Variants in SND1 observed in about 807,000 individuals in gnomAD.
SND1 encodes the protein staphylococcal nuclease domain-containing protein 1.
In SND1, 38 loss-of-function variants were observed where a neutral mutation model predicts 121.7. The ratio of observed to expected loss-of-function variants is 0.31; its 90% CI spans 0.24 to 0.41. The LOEUF (loss-of-function observed/expected upper bound fraction) is 0.41. Ranked by LOEUF, SND1 falls within the 10% of genes least tolerant of loss-of-function variation. SND1 has a pLI of 1.00. For missense variants in SND1, 868 were observed against 1,184.6 expected, an observed-to-expected ratio of 0.73 and a Z score of 3.92; for synonymous variants, 401 against 447.4, an observed-to-expected ratio of 0.90 and a Z score of 1.31.
At chr7:127,861,454 G>C (rs184534278) in intron 12 of SND1, among the ~76,000 whole-genome samples, 1 of 152,090 alleles carries the variant, frequency 6.6e-6, no homozygotes, top group East Asian at 1.9e-4. Flanking sequence ...CCGTCTACCT[G>C]GTGTCATTCA....
rs1360891878 is a variant in SND1 at position 127,786,712 on chromosome 7, C to T, written c.1153-20772C>T. Among the ~76,000 whole-genome samples the T allele has an allele frequency of 5.3e-5, 8 of 152,230 alleles. No individual in the cohort carries two copies. In the South Asian group the frequency reaches 8.3e-4, roughly 16 times the overall value. On this transcript the variant is annotated intron_variant, in intron 10 of 23. Transcript: ENST00000354725. ...AGGCTGGAGTGCAGTGGCGCGATCT[C>T]GACTCACTGCTAGCTCCGCCTCCCG...
rs2116343027 is a variant in SND1 at position 127,703,311 on chromosome 7, C to T, written c.828C>T (p.Thr276=). ...ESCHNQNILG[T]ILHPNGNITE... is the part of the protein sequence containing the mutation. ...GCCACAACCAGAACATTCTGGGTAC[C>T]ATCCTTCATCCAGTGAGTGTGTCTG... The change falls in exon 7 of 24, where the codon ACC becomes ACT. Residue 276 remains threonine (T), a synonymous_variant. Transcript: ENST00000354725. 6.2e-7 allele frequency: 1 copy of T among 1,614,116 alleles called. No homozygotes were observed.
chr7:127,671,202 G>A (rs559081740), intron 1 of SND1, among the ~76,000 whole-genome samples: 1 of 152,216 alleles, frequency 6.6e-6, no homozygotes, highest in Admixed American at 6.5e-5. Context: ...AGTATGTTTA[G>A]CATCTTGAAA....
intron 1 of SND1, among the ~76,000 whole-genome samples, chr7:127,672,994 T>C (rs1273935652): frequency 1.3e-5 from 2 of 152,036 alleles, no homozygotes; most frequent in African/African-American, 2.4e-5. Flanking sequence ...AGATGGTGTC[T>C]GTCAGGTTTC....
At chr7:127,915,215 T>C (rs1476935856) in intron 14 of SND1, among the ~76,000 whole-genome samples, 1 of 152,128 alleles carries the variant, frequency 6.6e-6, no homozygotes, top group Non-Finnish European at 1.5e-5. Context: ...GGTTTTGCCA[T>C]GTTGCCCATG....
At chr7:127,692,889 G>GT (rs1795946492) in intron 2 of SND1, among the ~76,000 whole-genome samples, 1 of 152,174 alleles carries the variant, frequency 6.6e-6, no homozygotes. Flanking sequence ...AGCCTTAAAA[G>GT]TTTTTTAGAA....
At chr7:127,838,026 C>T (rs1798897682) in intron 11 of SND1, among the ~76,000 whole-genome samples, 1 of 152,136 alleles carries the variant, frequency 6.6e-6, no homozygotes, top group Non-Finnish European at 1.5e-5. Flanking sequence ...TTGGACCGCA[C>T]AGTCTAAGCT....
At chr7:127,918,831 G>A (rs1291507613) in intron 14 of SND1, among the ~76,000 whole-genome samples, 1 of 152,154 alleles carries the variant, frequency 6.6e-6, no homozygotes, top group African/African-American at 2.4e-5. Flanking sequence ...CTAGGCCAAA[G>A]AATAGCATAT....
In SND1 at chr7:128,029,688, T is replaced by C. The variant is rs1472573864; in HGVS notation, c.1779+38632T>C. On this transcript the variant is annotated intron_variant, in intron 16 of 23. Transcript: ENST00000354725. The surrounding 1 kb of genome is among the most constrained non-coding windows in gnomAD (Gnocchi z 4.2). ...ACAGCAGGTGGAATTGGTGGGTATA[T>C]ACTCTCGAAGCCACCAGGCTAGCCA... The C allele has an allele frequency of 6.2e-7, 1 of 1,613,794 alleles. No individual in the cohort carries two copies. Among genetic ancestry groups the C allele is most frequent in the East Asian group, 2.2e-5 (1 of 44,894 alleles).
chr7:127,946,104 T>C (rs1801324220), intron 15 of SND1, among the ~76,000 whole-genome samples: 3 of 152,216 alleles, frequency 2.0e-5, no homozygotes, highest in African/African-American at 7.2e-5. Flanking sequence ...AGCATAAGAA[T>C]GGGACAGTGG....
intron 22 of SND1, among the ~76,000 whole-genome samples, chr7:128,090,682 A>G (rs1793764061): frequency 6.6e-6 from 1 of 151,988 alleles, no homozygotes. Flanking sequence ...CCCTTCTCCC[A>G]GCCCTCCTGG....
intron 16 of SND1, among the ~76,000 whole-genome samples, chr7:128,021,987 T>C (rs940198971): frequency 4.6e-5 from 7 of 152,096 alleles, no homozygotes; most frequent in African/African-American, 1.7e-4. Flanking sequence ...GCGGATTGCC[T>C]GAGGTCGGGA....
At chr7:127,702,940 C>T (rs891256030) in intron 6 of SND1, among the ~76,000 whole-genome samples, 2 of 152,050 alleles carry the variant, frequency 1.3e-5, no homozygotes, top group African/African-American at 4.8e-5. Flanking sequence ...AAATTATTGT[C>T]CTCACGATAA....
At position 127,979,293 on chromosome 7, in the gene SND1, G is replaced by A. The variant is rs185110837; in HGVS notation, c.1670-11654G>A. 1.2e-4 allele frequency among the ~76,000 whole-genome samples: 18 copies of A among 152,302 alleles called. No individual in the cohort carries two copies. In the East Asian group the frequency reaches 3.3e-3, roughly 28 times the overall value. On this transcript the variant is annotated intron_variant, in intron 15 of 23. Transcript: ENST00000354725. Reference sequence around the variant, plus strand: ...ACTCGAACATAAATTTTCTCAGCAAGGCAATTTTACTTCTGTAGAAGGGTG... The same window carrying A: ...ACTCGAACATAAATTTTCTCAGCAAAGCAATTTTACTTCTGTAGAAGGGTG...
chr7:128,080,812 T>TA (rs1267151677), intron 17 of SND1, among the ~76,000 whole-genome samples: 2 of 152,122 alleles, frequency 1.3e-5, no homozygotes, highest in Non-Finnish European at 2.9e-5. Context: ...GCATTTTTAA[T>TA]AAATTCCCTT....
intron 11 of SND1, among the ~76,000 whole-genome samples, chr7:127,809,728 CCTT>C (rs1361615570): frequency 6.6e-6 from 1 of 152,170 alleles, no homozygotes; most frequent in Admixed American, 6.5e-5. Flanking sequence ...TATTATTTGA[CCTT>C]CTCAGGGATT....
chr7:127,735,753 A>G (rs1316806499), intron 10 of SND1, among the ~76,000 whole-genome samples: 1 of 152,062 alleles, frequency 6.6e-6, no homozygotes. Flanking sequence ...CAGCCTCCCA[A>G]CTAGCTGGGA....
At chr7:127,677,832 G>T (rs1795642229) in intron 1 of SND1, among the ~76,000 whole-genome samples, 1 of 152,198 alleles carries the variant, frequency 6.6e-6, no homozygotes, top group African/African-American at 2.4e-5. Flanking sequence ...ACAAAAACAG[G>T]CAGTAGGCTG....
chr7:127,703,080 G>GT, intron 6 of SND1, 85 bp from the exon 7 acceptor site: 3 of 1,491,402 alleles, frequency 2.0e-6, no homozygotes, highest in East Asian at 4.5e-5. Flanking sequence ...TGGCATGTGT[G>GT]TTTTTTGGAA....
Sources: allele counts gnomAD v4.1 joint callset (sites outside exome capture counted in the v4.1 genomes callset), GRCh38; gene constraint gnomAD v4.1.1; non-coding constraint Gnocchi (gnomAD v3.1); transcripts MANE v1.5; gene names NCBI Gene and HGNC (gene_info 2026-07-23, HGNC 2026-07-21).